Variants in PCDHA2 observed in about 807,000 individuals in gnomAD.
PCDHA2 encodes protocadherin alpha 2, also known as protocadherin alpha-2.
Under a neutral mutation model 66.0 loss-of-function variants are expected in PCDHA2, and 58 were observed. That is an observed-to-expected ratio of 0.88 (90% CI 0.71 to 1.09). PCDHA2 has a LOEUF of 1.09. Among genes scored for constraint, PCDHA2 ranks in the 50% least tolerant of loss-of-function variants. The pLI is 0.00. For missense variants in PCDHA2, 1,267 were observed against 1,242.3 expected (o/e 1.02, Z -0.30); for synonymous variants, 634 against 554.0 (o/e 1.14, Z -2.03).
At position 140,829,969 on chromosome 5, in the gene PCDHA2, G is replaced by A. The variant is rs144012634; in HGVS notation, c.2388+32617G>A. The A allele has an allele frequency of 1.9e-4, 306 of 1,614,010 alleles. 1 individual carries two copies. The African/African-American group carries it at 3.5e-3, about 18-fold the overall frequency. On this transcript the variant is annotated intron_variant, in intron 1 of 3. Coordinates refer to ENST00000526136, the MANE Select transcript of PCDHA2 (RefSeq NM_018905.3). The stretch of plus-strand genomic sequence containing the variant: ...CTCGCTTCCCGTTTCGCGTGGGGCT[G>A]TACACGGGCGAGATCAGCACCACTC...
chr5:140,891,481 C>G (rs2063126797), intron 1 of PCDHA2, among the ~76,000 whole-genome samples: 1 of 151,620 alleles, frequency 6.6e-6, no homozygotes, highest in Admixed American at 6.6e-5. Context: ...CTTTACATCA[C>G]TTTGAGCATA....
chr5:140,800,957 GA>G, intron 1 of PCDHA2: 1 of 1,163,568 alleles, frequency 8.6e-7, no homozygotes, highest in Admixed American at 3.7e-5. Flanking sequence ...GACATACAAG[GA>G]AAAGAAGATA....
intron 1 of PCDHA2, among the ~76,000 whole-genome samples, chr5:140,893,780 C>T (rs966071281): frequency 4.6e-5 from 7 of 151,980 alleles, no homozygotes; most frequent in Admixed American, 6.6e-5. Context: ...TTTCTTTTAC[C>T]GTTTTTAGAA....
chr5:140,909,234 A>G (rs782659410), intron 1 of PCDHA2, among the ~76,000 whole-genome samples: 12 of 152,220 alleles, frequency 7.9e-5, no homozygotes, highest in Non-Finnish European at 1.3e-4. Context: ...GTAGGATGGT[A>G]AAGATATATT....
intron 1 of PCDHA2, among the ~76,000 whole-genome samples, chr5:140,959,381 A>G (rs2095484925): frequency 6.6e-6 from 1 of 152,190 alleles, no homozygotes; most frequent in African/African-American, 2.4e-5. Flanking sequence ...CTCAAAAAAA[A>G]AAGTCACAAA....
intron 1 of PCDHA2, among the ~76,000 whole-genome samples, chr5:140,934,108 T>C (rs574657499): frequency 6.6e-6 from 1 of 152,276 alleles, no homozygotes; most frequent in East Asian, 1.9e-4. Flanking sequence ...TCTATTTTAT[T>C]AATTTTCATA....
intron 1 of PCDHA2, among the ~76,000 whole-genome samples, chr5:140,898,530 T>A (rs1256781089): frequency 6.6e-6 from 1 of 152,228 alleles, no homozygotes; most frequent in African/African-American, 2.4e-5. Flanking sequence ...GAGGGCTCTG[T>A]TCTGTTCCAT....
chr5:140,956,953 C>G (rs1347983778), intron 1 of PCDHA2, among the ~76,000 whole-genome samples: 1 of 135,202 alleles, frequency 7.4e-6, no homozygotes, highest in Non-Finnish European at 1.7e-5. Flanking sequence ...CATTAAAACA[C>G]TGTAATTAAT....
chr5:140,823,627 C>A (rs1202244772), intron 1 of PCDHA2: 10 of 1,614,024 alleles, frequency 6.2e-6, no homozygotes, highest in Non-Finnish European at 8.5e-6. Flanking sequence ...TGGCAGTGCG[C>A]GCATCCCGTT....
intron 1 of PCDHA2, among the ~76,000 whole-genome samples, chr5:140,911,001 C>T (rs543025308): frequency 1.3e-5 from 2 of 152,220 alleles, no homozygotes; most frequent in African/African-American, 4.8e-5. Context: ...CCCCTAGGGC[C>T]CTCCTGGGAC....
At chr5:140,805,234 C>T (rs558765817) in intron 1 of PCDHA2, 19 of 1,368,932 alleles carry the variant, frequency 1.4e-5, no homozygotes, top group Non-Finnish European at 1.8e-5. Flanking sequence ...CTGCTGCATT[C>T]CCCATCTGTA....
At chr5:140,927,118 G>C in intron 1 of PCDHA2, 1 of 1,613,946 alleles carries the variant, frequency 6.2e-7, no homozygotes, top group Non-Finnish European at 8.5e-7. Context: ...CGGCAATTTG[G>C]TGGTCAGAGA....
chr5:140,869,998 G>A (rs782322898), intron 1 of PCDHA2: 1 of 1,613,436 alleles, frequency 6.2e-7, no homozygotes. Context: ...TCAAAATAAT[G>A]GAGAAGTGAG....
chr5:141,000,776 G>A (rs1455881211), intron 3 of PCDHA2, among the ~76,000 whole-genome samples: 1 of 151,562 alleles, frequency 6.6e-6, no homozygotes, highest in Non-Finnish European at 1.5e-5. Context: ...GCATAGTGGC[G>A]CACACCTGTA....
intron 3 of PCDHA2, among the ~76,000 whole-genome samples, chr5:141,001,849 T>G (rs889682000): frequency 6.6e-6 from 1 of 151,820 alleles, no homozygotes; most frequent in Non-Finnish European, 1.5e-5. Context: ...GAGAGAGAGG[T>G]TGATTAAATT....
rs1554202869 is a variant in PCDHA2, at chr5:140,925,671, A to AATG, written c.2389-53276_2389-53275insGAT. Among the ~76,000 whole-genome samples the AATG allele has an allele frequency of 4.6e-4, 68 of 148,180 alleles. 1 individual carries two copies. The highest frequency in any genetic ancestry group is 1.6e-3 in the African/African-American group (66 of 40,022). On this transcript the variant is annotated intron_variant, in intron 1 of 3. Transcript: ENST00000526136. ...TAATAATAATAATAATAATAATAAT[A>AATG]ATAATAAAGCGAGGGTGGGTATCTA...
In PCDHA2 at chr5:140,795,400, A is replaced by T; in HGVS notation, c.436A>T (p.Arg146Trp). ...AAAGACTATCCGGTTTCCCGAATCA[A>T]GGCTGCTTGATTCTCGGTTTCCTCT... ...TVKTIRFPES[R>W]LLDSRFPLEG... The change falls in exon 1 of 4, where the codon AGG (arginine) becomes TGG (tryptophan). Residue 146 changes from arginine (R) to tryptophan (W), a missense_variant. Coordinates refer to ENST00000526136, the MANE Select transcript of PCDHA2 (RefSeq NM_018905.3). 1 of 1,614,212 alleles carries T rather than the reference A, an allele frequency of 6.2e-7. No homozygotes were observed. Among genetic ancestry groups the T allele is most frequent in the East Asian group, 2.2e-5 (1 of 44,888 alleles).
At chr5:141,005,558 C>T (rs367751568) in intron 3 of PCDHA2, among the ~76,000 whole-genome samples, 1 of 151,122 alleles carries the variant, frequency 6.6e-6, no homozygotes, top group Non-Finnish European at 1.5e-5. Context: ...AAAAATTAGC[C>T]GGGCATGGTG....
At chr5:140,906,045 T>C (rs1002159774) in intron 1 of PCDHA2, among the ~76,000 whole-genome samples, 3 of 152,194 alleles carry the variant, frequency 2.0e-5, no homozygotes, top group African/African-American at 7.2e-5. Flanking sequence ...GCTTTTATTC[T>C]GGCTGCACTG....
Sources: gnomAD v4.1 joint callset for allele counts (sites outside exome capture counted in the v4.1 genomes callset) on GRCh38, gnomAD v4.1.1 for gene constraint, MANE v1.5 for transcripts, NCBI Gene and HGNC (gene_info 2026-07-23, HGNC 2026-07-21) for gene names.